ABCG1: variants seen among roughly 807,000 people sequenced by gnomAD.
The protein encoded by ABCG1 is ATP-binding cassette sub-family G member 1.
A neutral mutation model predicts 69.2 loss-of-function variants in ABCG1; 29 were observed. That is an observed-to-expected ratio of 0.42 (90% CI 0.31 to 0.57). The LOEUF is 0.57. Among genes scored for constraint, ABCG1 ranks in the 20% least tolerant of loss-of-function variants. The probability of loss-of-function intolerance (pLI) is 0.15; values close to 1 mark genes in which losing one functional copy is unlikely to be tolerated. For synonymous variants in ABCG1, 370 were observed against 374.8 expected (o/e 0.99, Z 0.15); for missense variants, 718 against 898.1 (o/e 0.80, Z 2.56).
Position 42,219,224 on chromosome 21 carries a change from CG to C in ABCG1, c.-38del. On this transcript the variant is annotated 5_prime_UTR_variant, in exon 1 of 15. Transcript: ENST00000398449. The surrounding 1 kb of genome is among the most constrained non-coding windows in gnomAD (Gnocchi z 5.3). ...GGCCCCGCAGCTCAAGCCTCGTCCC[CG>C]CCGCCGCCGCCGCCGCCGCCGCCGC... is the stretch of plus-strand genomic sequence containing the variant. 3.7e-6 allele frequency: 3 copies of C among 815,212 alleles called. No homozygotes were observed. Among genetic ancestry groups the C allele is most frequent in the Non-Finnish European group, 1.5e-6 (1 of 647,668 alleles). 50.5% of individuals were successfully genotyped at this position (815,212 alleles called of 1,614,324 possible).
intron 2 of ABCG1, among the ~76,000 whole-genome samples, chr21:42,234,925 G>A (rs941674612): frequency 6.6e-6 from 1 of 151,956 alleles, no homozygotes; most frequent in Non-Finnish European, 1.5e-5. Flanking sequence ...AACCTCCGCG[G>A]CGGAGCGGCG....
upstream of ABCG1, among the ~76,000 whole-genome samples, chr21:42,218,421 A>T (rs553822817): frequency 1.5e-4 from 20 of 137,272 alleles, no homozygotes; most frequent in Admixed American, 8.2e-4. Flanking sequence ...TTCCTTATAC[A>T]GTTCCATGAA....
At position 42,260,184 on chromosome 21, in the gene ABCG1, G is replaced by A. The variant is rs529214558; in HGVS notation, c.287-10886G>A. On this transcript the variant is annotated intron_variant, in intron 2 of 14. Coordinates refer to ENST00000398449, the MANE Select transcript of ABCG1 (RefSeq NM_016818.3). ...CTTCTCGGGTGAAGCTGGTCACGTG[G>A]CCCTAAAGGCATTCAGAGTAGATGC... is the stretch of plus-strand genomic sequence containing the variant. 1.4e-5 allele frequency: 22 copies of A among 1,550,002 alleles called. 1 individual carries two copies. The South Asian group carries it at 2.4e-4, about 17-fold the overall frequency.
At chr21:42,243,426 T>C (rs1292619594) in intron 2 of ABCG1, among the ~76,000 whole-genome samples, 1 of 148,554 alleles carries the variant, frequency 6.7e-6, no homozygotes, top group East Asian at 2.0e-4. Context: ...CAGAACCATA[T>C]TTTAATACCG....
chr21:42,244,775 G>C (rs1469408577), intron 2 of ABCG1, among the ~76,000 whole-genome samples: 2 of 152,364 alleles, frequency 1.3e-5, no homozygotes, highest in African/African-American at 4.8e-5. Context: ...GCCACAGAAA[G>C]CTTGGGAACA....
intron 2 of ABCG1, among the ~76,000 whole-genome samples, chr21:42,204,931 C>T (rs1184155911): frequency 1.3e-5 from 2 of 151,786 alleles, no homozygotes; most frequent in Admixed American, 1.3e-4. Flanking sequence ...AGGAGATTGC[C>T]TAGAATTAGT....
rs1157886028 is a variant in ABCG1 at position 42,287,052 on chromosome 21, G to C, written c.974-837G>C. Among the ~76,000 whole-genome samples the C allele has an allele frequency of 6.6e-6, 1 of 152,250 alleles. No homozygotes were observed. The highest frequency in any genetic ancestry group is 1.5e-5 in the Non-Finnish European group (1 of 68,050). ...AGGAAGCGGGTAGCTGGCTCTGCCAGAGGGAAGTGCGGAAAAGGTAAGGGT... is the reference window on the plus strand; with the variant it reads ...AGGAAGCGGGTAGCTGGCTCTGCCACAGGGAAGTGCGGAAAAGGTAAGGGT... On this transcript the variant is annotated intron_variant, in intron 8 of 14. Coordinates refer to ENST00000398449, the MANE Select transcript of ABCG1 (RefSeq NM_016818.3). This position sits in a 1 kb window ranked among gnomAD's most constrained non-coding sequence, Gnocchi z 6.2.
intron 5 of ABCG1, among the ~76,000 whole-genome samples, chr21:42,278,571 G>A (rs1212324658): frequency 6.6e-6 from 1 of 152,212 alleles, no homozygotes; most frequent in Non-Finnish European, 1.5e-5. Flanking sequence ...GACACAGGGA[G>A]GAGGCGGCAT....
intron 6 of ABCG1, among the ~76,000 whole-genome samples, 163 bp from the exon 7 acceptor site, chr21:42,284,397 A>C (rs1349301801): frequency 2.6e-5 from 4 of 152,222 alleles, no homozygotes; most frequent in African/African-American, 7.2e-5. Context: ...ACTGAGCAGC[A>C]AAACAAACAG....
At chr21:42,283,779 C>T (rs1306470263) in intron 6 of ABCG1, among the ~76,000 whole-genome samples, 13 of 56,772 alleles carry the variant, frequency 2.3e-4, no homozygotes, top group African/African-American at 9.7e-4. Flanking sequence ...GTGAAGTACC[C>T]CCCAACCCAG....
Position 42,219,930 on chromosome 21 carries a change from C to T in ABCG1, c.42+626C>T. ...GCAAGCCCGGATTCCTGCCGGCCGCCTTTCTGCGCGCGCCGGAGAGAGAGA... is the reference window on the plus strand; with the variant it reads ...GCAAGCCCGGATTCCTGCCGGCCGCTTTTCTGCGCGCGCCGGAGAGAGAGA... On this transcript the variant is annotated intron_variant, in intron 1 of 14. Transcript: ENST00000398449. This position sits in a 1 kb window ranked among gnomAD's most constrained non-coding sequence, Gnocchi z 5.3. The T allele has an allele frequency of 6.4e-7, 1 of 1,550,902 alleles. No individual in the cohort carries two copies. The highest frequency in any genetic ancestry group is 8.7e-7 in the Non-Finnish European group (1 of 1,146,754).
At chr21:42,256,301 T>A in intron 2 of ABCG1, 1 of 1,530,528 alleles carries the variant, frequency 6.5e-7, no homozygotes, top group Non-Finnish European at 8.8e-7. Flanking sequence ...TTCCAACTTT[T>A]GCCCGGAGTC....
intron 2 of ABCG1, among the ~76,000 whole-genome samples, chr21:42,228,287 G>T (rs1569209209): frequency 6.6e-6 from 1 of 152,186 alleles, no homozygotes; most frequent in African/African-American, 2.4e-5. Flanking sequence ...GAAATGGGTG[G>T]AGCCAGAGGG....
chr21:42,295,781 A>G (rs1355092139), intron 14 of ABCG1, among the ~76,000 whole-genome samples: 2 of 152,198 alleles, frequency 1.3e-5, no homozygotes. Context: ...AGGGGGCAGG[A>G]ATGTTTCATA....
chr21:42,219,932 T>C lies in ABCG1; in HGVS notation c.42+628T>C. 6.4e-7 allele frequency: 1 copy of C among 1,550,880 alleles called. No homozygotes were observed. The highest frequency in any genetic ancestry group is 8.7e-7 in the Non-Finnish European group (1 of 1,146,682). On this transcript the variant is annotated intron_variant, in intron 1 of 14. Transcript: ENST00000398449. This position sits in a 1 kb window ranked among gnomAD's most constrained non-coding sequence, Gnocchi z 5.3. ...AAGCCCGGATTCCTGCCGGCCGCCT[T>C]TCTGCGCGCGCCGGAGAGAGAGACG... is the stretch of plus-strand genomic sequence containing the variant.
In ABCG1 at chr21:42,287,870, C is replaced by T; in HGVS notation, c.974-19C>T. 1 of 1,543,204 alleles carries T rather than the reference C, an allele frequency of 6.5e-7. No individual in the cohort carries two copies. Among genetic ancestry groups the T allele is most frequent in the Non-Finnish European group, 8.8e-7 (1 of 1,142,644 alleles). On this transcript the variant is annotated intron_variant, in intron 8 of 14. Transcript: ENST00000398449. This position sits in a 1 kb window ranked among gnomAD's most constrained non-coding sequence, Gnocchi z 6.2. ...TCCTTCCTGGAGCCCGGGCTGACCC[C>T]CGTCTGTGTCTCCTGCAGTCATGGA...
chr21:42,281,818 C>T (rs2068814357), intron 5 of ABCG1, among the ~76,000 whole-genome samples: 1 of 152,252 alleles, frequency 6.6e-6, no homozygotes, highest in African/African-American at 2.4e-5. Flanking sequence ...AAGTAACCAT[C>T]ACAGCGACCC....
At chr21:42,237,391 G>T (rs1601371788) in intron 2 of ABCG1, among the ~76,000 whole-genome samples, 1 of 152,168 alleles carries the variant, frequency 6.6e-6, no homozygotes, top group South Asian at 2.1e-4. Flanking sequence ...TCTCTACCAA[G>T]AACCCACCTC....
At chr21:42,248,654 G>A (rs996019231) in intron 2 of ABCG1, among the ~76,000 whole-genome samples, 2 of 152,064 alleles carry the variant, frequency 1.3e-5, no homozygotes, top group Admixed American at 6.5e-5. Flanking sequence ...TTAGGAGGCC[G>A]AGGCGGGTGA....
Sources: gnomAD v4.1 joint callset for allele counts (sites outside exome capture counted in the v4.1 genomes callset) on GRCh38, gnomAD v4.1.1 for gene constraint, Gnocchi (gnomAD v3.1) non-coding constraint, MANE v1.5 for transcripts, NCBI Gene and HGNC (gene_info 2026-07-23, HGNC 2026-07-21) for gene names.